The following CDH2 variants were observed in gnomAD, a reference collection of about 807,000 sequenced individuals.
The protein encoded by CDH2 is cadherin 2.
Under a neutral mutation model 92.0 loss-of-function variants are expected in CDH2, and 17 were observed. That is an observed-to-expected ratio of 0.18 (90% CI 0.13 to 0.28). CDH2 has a LOEUF of 0.28. CDH2 is among the 10% of genes least tolerant of loss of function. The pLI is 1.00. For missense variants in CDH2, 862 were observed against 1,133.1 expected (o/e 0.76, Z 3.44); for synonymous variants, 419 against 415.9 (o/e 1.01, Z -0.09).
At chr18:28,094,859 G>T (rs921915107) in intron 2 of CDH2, among the ~76,000 whole-genome samples, 3 of 136,378 alleles carry the variant, frequency 2.2e-5, no homozygotes, top group African/African-American at 5.8e-5. Context: ...ACCTTTCAGA[G>T]ACTTCACATT....
intron 2 of CDH2, among the ~76,000 whole-genome samples, chr18:28,122,008 G>A (rs1172209372): frequency 6.6e-6 from 1 of 152,066 alleles, no homozygotes; most frequent in Non-Finnish European, 1.5e-5. Context: ...TCTCCCTCTT[G>A]ACACATGGTG....
chr18:27,962,138 C>T (rs2011421359), intron 15 of CDH2, among the ~76,000 whole-genome samples: 1 of 152,136 alleles, frequency 6.6e-6, no homozygotes, highest in Non-Finnish European at 1.5e-5. Flanking sequence ...TAAATTTCTG[C>T]AAATTCTCCT....
intron 2 of CDH2, among the ~76,000 whole-genome samples, chr18:28,047,833 C>A (rs1207947689): frequency 1.5e-5 from 2 of 132,852 alleles, no homozygotes; most frequent in Non-Finnish European, 3.1e-5. Context: ...CGGGCCACTG[C>A]ACTCCAGCCT....
At chr18:28,114,045 G>A (rs1282894046) in intron 2 of CDH2, among the ~76,000 whole-genome samples, 1 of 151,974 alleles carries the variant, frequency 6.6e-6, no homozygotes, top group Non-Finnish European at 1.5e-5. Context: ...AGGTGGGAGA[G>A]GATACTAGAG....
At chr18:28,066,818 G>A (rs1014693781) in intron 2 of CDH2, among the ~76,000 whole-genome samples, 1 of 151,808 alleles carries the variant, frequency 6.6e-6, no homozygotes, top group Non-Finnish European at 1.5e-5. Flanking sequence ...CTCAACTCTT[G>A]CATCATTTAT....
Position 28,043,798 on chromosome 18 carries a change from C to G in CDH2, c.173-29889G>C, listed in dbSNP as rs111242634. Among the ~76,000 whole-genome samples, 423 of 148,944 alleles carry G rather than the reference C, an allele frequency of 2.8e-3. 2 individuals carry two copies. Among genetic ancestry groups the G allele is most frequent in the African/African-American group, 9.9e-3 (404 of 40,850 alleles). On this transcript the variant is annotated intron_variant, in intron 2 of 15. Coordinates refer to ENST00000269141, the MANE Select transcript of CDH2 (RefSeq NM_001792.5). The stretch of plus-strand genomic sequence containing the variant: ...TAAAGGAGCTGGAGATGTTGTGTTA[C>G]AAGTGAATGATCACAGCAGACTGCT...
intron 2 of CDH2, among the ~76,000 whole-genome samples, chr18:28,048,012 G>A (rs2014115872): frequency 6.6e-6 from 1 of 150,898 alleles, no homozygotes; most frequent in Admixed American, 6.6e-5. Flanking sequence ...TTACAGTTTT[G>A]CTTTATCTAT....
At chr18:28,041,516 C>T (rs545688507) in intron 2 of CDH2, among the ~76,000 whole-genome samples, 9 of 152,206 alleles carry the variant, frequency 5.9e-5, no homozygotes, top group Non-Finnish European at 1.0e-4. Context: ...GAACAGTCAG[C>T]AGGCAACTGT....
chr18:28,133,583 A>AT (rs1480140408), intron 2 of CDH2, among the ~76,000 whole-genome samples: 1 of 143,670 alleles, frequency 7.0e-6, no homozygotes, highest in African/African-American at 2.6e-5. Flanking sequence ...CTCTGTCTCA[A>AT]AAAAAAAAAA....
intron 1 of CDH2, among the ~76,000 whole-genome samples, chr18:28,171,207 A>C (rs2016459672): frequency 6.7e-6 from 1 of 150,182 alleles, no homozygotes; most frequent in Non-Finnish European, 1.5e-5. Context: ...CTCCAGCCTG[A>C]CAGAGCGAGA....
At chr18:27,996,409 C>T (rs1437608121) in intron 7 of CDH2, among the ~76,000 whole-genome samples, 1 of 152,090 alleles carries the variant, frequency 6.6e-6, no homozygotes, top group Non-Finnish European at 1.5e-5. Flanking sequence ...GCCTCATAAC[C>T]AAGTAAAAAT....
chr18:27,985,589 A>C lies in CDH2; in HGVS notation c.1914T>G (p.Ala638=). Residue 638 remains alanine, a synonymous_variant, in exon 12 of 16, where the codon GCT becomes GCG. Coordinates refer to ENST00000269141, the MANE Select transcript of CDH2 (RefSeq NM_001792.5). Reference sequence around the variant, plus strand: ...TCACTGGAGATAAAGGAAGATCAAAAGCAAATGGTCCAGCATTTGGATCAA... The same window carrying C: ...TCACTGGAGATAAAGGAAGATCAAACGCAAATGGTCCAGCATTTGGATCAA... ...YDIDPNAGPF[A]FDLPLSPVTI... The C allele has an allele frequency of 6.2e-7, 1 of 1,614,106 alleles. No individual in the cohort carries two copies.
chr18:28,020,341 A>C (rs913995348), intron 2 of CDH2, among the ~76,000 whole-genome samples: 1 of 152,052 alleles, frequency 6.6e-6, no homozygotes, highest in African/African-American at 2.4e-5. Flanking sequence ...ATAGCCTTTC[A>C]AAAAGACTTT....
chr18:27,936,392 C>G (rs1023844335), intron 6 of CDH2, among the ~76,000 whole-genome samples: 1 of 152,194 alleles, frequency 6.6e-6, no homozygotes, highest in African/African-American at 2.4e-5. Context: ...AAACCTTTCT[C>G]TTTCACTACA....
intron 14 of CDH2, among the ~76,000 whole-genome samples, chr18:27,970,860 T>A (rs1598998113): frequency 6.6e-6 from 1 of 152,130 alleles, no homozygotes; most frequent in Admixed American, 6.5e-5. Context: ...AGATAACACA[T>A]AAAAAATGGG....
intron 7 of CDH2, among the ~76,000 whole-genome samples, chr18:27,994,822 G>T (rs917281917): frequency 6.6e-6 from 1 of 151,862 alleles, no homozygotes; most frequent in African/African-American, 2.4e-5. Flanking sequence ...AAGCCAAACC[G>T]CCCACACTAG....
At chr18:28,007,193 T>TATATATATATATATATAC (rs778626652) in intron 5 of CDH2, among the ~76,000 whole-genome samples, 5 of 142,182 alleles carry the variant, frequency 3.5e-5, no homozygotes, top group African/African-American at 1.1e-4. Flanking sequence ...TATATATATA[T>TATATATATATATATATAC]ACGAGTATAT....
chr18:28,104,692 A>ATACCTATCTATC (rs1555642208), intron 2 of CDH2, among the ~76,000 whole-genome samples: 1 of 148,328 alleles, frequency 6.7e-6, no homozygotes, highest in Admixed American at 6.7e-5. Context: ...ATGCAAATAC[A>ATACCTATCTATC]TATCTATCTA....
At chr18:28,103,565 A>T (rs950614665) in intron 2 of CDH2, among the ~76,000 whole-genome samples, 1 of 151,756 alleles carries the variant, frequency 6.6e-6, no homozygotes, top group African/African-American at 2.4e-5. Flanking sequence ...GGTTTGTTAC[A>T]TAGGTATACA....
Sources: allele counts gnomAD v4.1 joint callset (sites outside exome capture counted in the v4.1 genomes callset), GRCh38; gene constraint gnomAD v4.1.1; transcripts MANE v1.5; gene names NCBI Gene and HGNC (gene_info 2026-07-23, HGNC 2026-07-21).